Variants in ANAPC1 observed in about 807,000 individuals in gnomAD.
ANAPC1 encodes the protein anaphase-promoting complex subunit 1.
In ANAPC1, 36 loss-of-function variants were observed where a neutral mutation model predicts 208.0. That is an observed-to-expected ratio of 0.17 (90% CI 0.13 to 0.23). The LOEUF (loss-of-function observed/expected upper bound fraction) is 0.23. Among genes scored for constraint, ANAPC1 ranks in the 10% least tolerant of loss-of-function variants. The pLI, the probability that ANAPC1 is intolerant of heterozygous loss-of-function variation, is 1.00. For missense variants in ANAPC1, 942 were observed against 2,011.6 expected (o/e 0.47, Z 10.17); for synonymous variants, 378 against 695.2 (o/e 0.54, Z 7.18).
chr2:111,777,273 TG>T (rs1174633998), intron 45 of ANAPC1, among the ~76,000 whole-genome samples: 1 of 152,108 alleles, frequency 6.6e-6, no homozygotes, highest in Admixed American at 6.6e-5. Context: ...ATGAGCAGCT[TG>T]CAGGGAAAAG....
rs536007362 is a variant in ANAPC1, at chr2:111,851,002, C to A, written c.1516-92G>T. 26 of 1,411,990 alleles carry A rather than the reference C, an allele frequency of 1.8e-5. No homozygotes were observed. In the African/African-American group the frequency reaches 3.3e-4, roughly 18 times the overall value. 87.5% of individuals were successfully genotyped at this position (1,411,990 alleles called of 1,614,324 possible). A position where few individuals can be genotyped will look rare whatever the true frequency, so the allele number is the denominator to read the frequency against. Reference sequence around the variant, plus strand: ...TGTTAAGGAATATAAACATATATTTCTTTTGATATTTCTAAGTTTATACTC... The same window carrying A: ...TGTTAAGGAATATAAACATATATTTATTTTGATATTTCTAAGTTTATACTC... On this transcript the variant is annotated intron_variant, in intron 13 of 47. Transcript: ENST00000341068.
chr2:111,792,956 GA>G (rs563382802), intron 37 of ANAPC1, among the ~76,000 whole-genome samples: 3 of 144,182 alleles, frequency 2.1e-5, no homozygotes, highest in Admixed American at 1.4e-4. Context: ...CTGTCTCAGA[GA>G]AAAAAAAAAT....
At chr2:111,864,664 G>A (rs13430062) in intron 8 of ANAPC1, 142 bp downstream of exon 8, 867,825 of 1,360,726 alleles carry the variant, frequency 0.64, 279,817 homozygotes, top group South Asian at 0.69. Flanking sequence ...GTTTCACCAT[G>A]TTGGCCAGGC....
intron 16 of ANAPC1, among the ~76,000 whole-genome samples, chr2:111,846,479 A>G (rs74680180): frequency 2.6e-3 from 340 of 131,428 alleles, no homozygotes; most frequent in Admixed American, 0.015. Flanking sequence ...TAGTTGCTTA[A>G]GCTTCCAGTT....
intron 16 of ANAPC1, among the ~76,000 whole-genome samples, chr2:111,843,842 T>TTTTTTTTTA (rs1680904947): frequency 6.8e-6 from 1 of 147,698 alleles, no homozygotes; most frequent in Non-Finnish European, 1.5e-5. Context: ...TTTTTTTTTT[T>TTTTTTTTTA]GAGAGGGTGT....
chr2:111,865,932 C>T, intron 7 of ANAPC1: 1 of 217,974 alleles, frequency 4.6e-6, no homozygotes. Context: ...CGAGGCTGGG[C>T]AGGTGGCTAA....
chr2:111,872,659 A>C lies in ANAPC1; in HGVS notation c.582T>G (p.Ser194=), dbSNP rs1682816909. 2 of 1,613,512 alleles carry C rather than the reference A, an allele frequency of 1.2e-6. No individual in the cohort carries two copies. Among genetic ancestry groups the C allele is most frequent in the South Asian group, 1.1e-5 (1 of 91,070 alleles). Residue 194 remains serine, a synonymous_variant, in exon 6 of 48, where the codon TCT becomes TCG. Coordinates refer to ENST00000341068, the MANE Select transcript of ANAPC1 (RefSeq NM_022662.4). ...KYGLLFERSA[S]SHEVPPGSPR... ...GTGAACCTGGAGGTACTTCATGTGA[A>C]GAAGCGCTTCGTTCAAACAGCAATC... is the stretch of plus-strand genomic sequence containing the variant.
At chr2:111,821,580 G>A in intron 25 of ANAPC1, 127 bp from the exon 26 acceptor site, 1 of 932,832 alleles carries the variant, frequency 1.1e-6, no homozygotes, top group Non-Finnish European at 1.7e-6. Context: ...TTCCAAAGCA[G>A]GCATGGGTTG....
At chr2:111,864,712 C>T (rs1020830431) in intron 8 of ANAPC1, 94 bp downstream of exon 8, 1 of 1,586,234 alleles carries the variant, frequency 6.3e-7, no homozygotes, top group South Asian at 1.1e-5. Flanking sequence ...ATCCGCCTGC[C>T]TTGGCCTCCC....
intron 43 of ANAPC1, among the ~76,000 whole-genome samples, chr2:111,781,472 A>AGG: frequency 6.6e-6 from 1 of 152,246 alleles, no homozygotes; most frequent in African/African-American, 2.4e-5. Flanking sequence ...ACCATTATAA[A>AGG]GGCTTGGTCA....
At chr2:111,838,096 A>AAAAAT in intron 18 of ANAPC1, among the ~76,000 whole-genome samples, 1 of 150,730 alleles carries the variant, frequency 6.6e-6, no homozygotes, top group South Asian at 2.1e-4. Context: ...AAAAAAAAAA[A>AAAAAT]GGAATATACC....
At chr2:111,823,874 G>A (rs1314487284) in intron 24 of ANAPC1, among the ~76,000 whole-genome samples, 5 of 149,274 alleles carry the variant, frequency 3.3e-5, no homozygotes, top group Non-Finnish European at 6.0e-5. Context: ...TCTACTATGC[G>A]GGTAATATTC....
intron 28 of ANAPC1, among the ~76,000 whole-genome samples, chr2:111,810,534 T>A (rs1678927668): frequency 6.8e-6 from 1 of 147,800 alleles, no homozygotes; most frequent in Non-Finnish European, 1.5e-5. Flanking sequence ...AGTGAAAGAG[T>A]TTAGTTTGCC....
rs1235860264 is a variant in ANAPC1, at chr2:111,826,667, T to TA, written c.2626-813_2626-812insT. On this transcript the variant is annotated intron_variant, in intron 21 of 47. Coordinates refer to ENST00000341068, the MANE Select transcript of ANAPC1 (RefSeq NM_022662.4). ...AAAGCTGCTTTATTTATTTATTTAT[T>TA]TTTTTTTTTTTTGAGACGGAGTCTC... Among the ~76,000 whole-genome samples, 18 of 99,504 alleles carry TA rather than the reference T, an allele frequency of 1.8e-4. No individual in the cohort carries two copies. In the East Asian group the frequency reaches 1.9e-3, roughly 10 times the overall value. The allele number at this position is 99,504 out of a possible 152,430, so 65.3% of individuals were successfully genotyped here.
At position 111,862,392 on chromosome 2, in the gene ANAPC1, A is replaced by T; in HGVS notation, c.1259T>A (p.Ile420Lys). Residue 420 changes from isoleucine to lysine, a missense_variant, in exon 10 of 48, where the codon ATA (isoleucine) becomes AAA (lysine). Physicochemically the swap from Ile to Lys is moderately radical, Grantham distance 102. Coordinates refer to ENST00000341068, the MANE Select transcript of ANAPC1 (RefSeq NM_022662.4). ...TATAATAATATATATAACAAACCTT[A>T]TATTAGTAATCGTTTCTGTCCACAA... Reference protein sequence around the residue: ...DHLWTETITNIREKNSQASKV... With the variant: ...DHLWTETITNKREKNSQASKV... 1 of 1,531,778 alleles carries T rather than the reference A, an allele frequency of 6.5e-7. No homozygotes were observed. Among genetic ancestry groups the T allele is most frequent in the Non-Finnish European group, 8.8e-7 (1 of 1,142,312 alleles). 94.9% of individuals were successfully genotyped at this position (1,531,778 alleles called of 1,614,324 possible). A position where few individuals can be genotyped will look rare whatever the true frequency, so the allele number is the denominator to read the frequency against.
At chr2:111,841,224 T>TACCACAGGTCCTGG (rs1680743334) in intron 17 of ANAPC1, among the ~76,000 whole-genome samples, 1 of 151,878 alleles carries the variant, frequency 6.6e-6, no homozygotes, top group African/African-American at 2.4e-5. Flanking sequence ...TGCCAGGCAA[T>TACCACAGGTCCTGG]ACCACAGGTC....
chr2:111,826,185 G>C (rs1214568411), intron 21 of ANAPC1, among the ~76,000 whole-genome samples: 4 of 152,174 alleles, frequency 2.6e-5, no homozygotes, highest in African/African-American at 9.7e-5. Flanking sequence ...ACCACACCTA[G>C]CTACATAATT....
At chr2:111,880,337 A>C (rs1683236298) in intron 2 of ANAPC1, among the ~76,000 whole-genome samples, 1 of 152,198 alleles carries the variant, frequency 6.6e-6, no homozygotes, top group Non-Finnish European at 1.5e-5. Flanking sequence ...GCACCAGTGC[A>C]CTCCAGCCCG....
At chr2:111,855,837 A>G (rs151284675) in intron 13 of ANAPC1, among the ~76,000 whole-genome samples, 6,968 of 152,266 alleles carry the variant, frequency 0.046, 216 homozygotes, top group Non-Finnish European at 0.064. Context: ...TACTGGGTAG[A>G]TGAATATTCA....
Sources: allele counts gnomAD v4.1 joint callset (sites outside exome capture counted in the v4.1 genomes callset), GRCh38; gene constraint gnomAD v4.1.1; transcripts MANE v1.5; gene names NCBI Gene and HGNC (gene_info 2026-07-23, HGNC 2026-07-21).